Variants in SNAP91 observed in about 807,000 individuals in gnomAD.
The protein encoded by SNAP91 is clathrin coat assembly protein AP180.
SNAP91 carries 27 observed loss-of-function variants against 100.3 expected under a neutral mutation model. That is an observed-to-expected ratio of 0.27 (90% CI 0.20 to 0.37). The LOEUF is 0.37. SNAP91 is among the 10% of genes least tolerant of loss of function. SNAP91 has a pLI of 1.00. For missense variants in SNAP91, 986 were observed against 1,123.7 expected (o/e 0.88, Z 1.75); for synonymous variants, 404 against 398.6 (o/e 1.01, Z -0.16).
At chr6:83,646,164 G>A (rs1398695551) in intron 7 of SNAP91, among the ~76,000 whole-genome samples, 1 of 152,162 alleles carries the variant, frequency 6.6e-6, no homozygotes, top group Admixed American at 6.5e-5. Context: ...GTCTTCCAGT[G>A]TGTGGCACAT....
At chr6:83,635,408 A>G (rs563825700) in intron 8 of SNAP91, among the ~76,000 whole-genome samples, 1 of 152,236 alleles carries the variant, frequency 6.6e-6, no homozygotes, top group African/African-American at 2.4e-5. Flanking sequence ...TTCTTGTTGA[A>G]TTGAACCATT....
chr6:83,699,340 A>G (rs1209029112), intron 2 of SNAP91, among the ~76,000 whole-genome samples: 1 of 152,184 alleles, frequency 6.6e-6, no homozygotes, highest in Non-Finnish European at 1.5e-5. Flanking sequence ...AGAAACATAC[A>G]TTATCCAGAA....
chr6:83,670,453 A>C (rs2098764058), intron 2 of SNAP91, among the ~76,000 whole-genome samples: 1 of 151,446 alleles, frequency 6.6e-6, no homozygotes, highest in Non-Finnish European at 1.5e-5. Context: ...CATACATGTG[A>C]CTTGCAAATA....
chr6:83,603,616 TA>T (rs1404448040), intron 14 of SNAP91, among the ~76,000 whole-genome samples: 2 of 151,268 alleles, frequency 1.3e-5, no homozygotes, highest in Admixed American at 6.6e-5. Context: ...TATTCTAAAA[TA>T]AAAGCTATAA....
At chr6:83,575,395 A>C (rs142973578) in intron 25 of SNAP91, 17 of 416,020 alleles carry the variant, frequency 4.1e-5, no homozygotes, top group African/African-American at 3.5e-4. Context: ...TGTCAGAAAA[A>C]TCCAACTGGA....
At position 83,566,197 on chromosome 6, in the gene SNAP91, C is replaced by G. The variant is rs146339971; in HGVS notation, c.2443-5250G>C. Among the ~76,000 whole-genome samples, 41 of 152,058 alleles carry G rather than the reference C, an allele frequency of 2.7e-4. No homozygotes were observed. In the East Asian group the frequency reaches 7.5e-3, roughly 28 times the overall value. ...TAAAAGAAGCCAGGCATAAAAGGCT[C>G]TAAGGGTAAGGGGAAATTGAAAGGG... On this transcript the variant is annotated intron_variant, in intron 26 of 29. Coordinates refer to ENST00000369694, the MANE Select transcript of SNAP91 (RefSeq NM_001242792.2).
intron 7 of SNAP91, among the ~76,000 whole-genome samples, chr6:83,645,834 G>C (rs2097896235): frequency 2.0e-5 from 3 of 152,158 alleles, no homozygotes; most frequent in African/African-American, 7.2e-5. Context: ...CTGGGAGACA[G>C]AATAAGACCT....
chr6:83,563,359 C>G lies in SNAP91; in HGVS notation c.2443-2412G>C, dbSNP rs140410509. 2.0e-3 allele frequency among the ~76,000 whole-genome samples: 309 copies of G among 152,132 alleles called. 3 individuals carry two copies. The highest frequency in any genetic ancestry group is 0.016 in the South Asian group (78 of 4,816). On this transcript the variant is annotated intron_variant, in intron 26 of 29. Transcript: ENST00000369694. ...TTCATGACAAAAAATACTCAACGAA[C>G]TAGAAAAGCAGGGAAATTCCTCAAC...
intron 14 of SNAP91, 60 bp from the exon 15 acceptor site, chr6:83,601,659 A>C: frequency 2.6e-6 from 4 of 1,533,344 alleles, no homozygotes; most frequent in Non-Finnish European, 3.6e-6. Context: ...TGAAACATGC[A>C]ACCATACCAA....
At chr6:83,709,330 C>T (rs921853182), upstream of SNAP91, 1 of 152,482 alleles carries the variant, frequency 6.6e-6, no homozygotes, top group Non-Finnish European at 1.5e-5. Flanking sequence ...ACCCACCCAG[C>T]CAGCGGCTCT....
chr6:83,592,325 TAA>T (rs1437047117), intron 21 of SNAP91, 128 bp downstream of exon 21: 1 of 566,190 alleles, frequency 1.8e-6, no homozygotes, highest in Non-Finnish European at 3.0e-6. Context: ...CTTAAAAACT[TAA>T]GTTTACATTT....
chr6:83,576,866 T>C (rs1819628100), intron 24 of SNAP91, among the ~76,000 whole-genome samples: 2 of 152,190 alleles, frequency 1.3e-5, no homozygotes, highest in South Asian at 2.1e-4. Flanking sequence ...AGAAAATATT[T>C]TGTGAGCATC....
At chr6:83,643,167 T>C (rs888914460) in intron 7 of SNAP91, among the ~76,000 whole-genome samples, 4 of 152,208 alleles carry the variant, frequency 2.6e-5, no homozygotes, top group African/African-American at 7.2e-5. Flanking sequence ...GTAGTTTCTT[T>C]TGCTGTGCAG....
chr6:83,703,450 T>C (rs563756160), intron 2 of SNAP91, among the ~76,000 whole-genome samples: 1 of 152,230 alleles, frequency 6.6e-6, no homozygotes, highest in East Asian at 1.9e-4. Flanking sequence ...CTAAGCACAT[T>C]TATGCAAAGA....
chr6:83,570,006 G>A (rs758840200), intron 26 of SNAP91, among the ~76,000 whole-genome samples: 4 of 152,020 alleles, frequency 2.6e-5, no homozygotes, highest in Non-Finnish European at 4.4e-5. Flanking sequence ...AGAGTGGAGC[G>A]CTGCAGAAAA....
intron 2 of SNAP91, chr6:83,678,838 A>C (rs1355427472): frequency 2.2e-5 from 28 of 1,277,268 alleles, no homozygotes; most frequent in Non-Finnish European, 2.7e-5. Context: ...ATAAAAATCC[A>C]AGTCTGTTTT....
At chr6:83,571,957 C>T (rs965312844) in intron 26 of SNAP91, among the ~76,000 whole-genome samples, 1 of 152,054 alleles carries the variant, frequency 6.6e-6, no homozygotes, top group Non-Finnish European at 1.5e-5. Context: ...GGGGAGTTTC[C>T]CTGCACAAGC....
intron 7 of SNAP91, among the ~76,000 whole-genome samples, chr6:83,647,316 T>C (rs1265318728): frequency 1.3e-5 from 2 of 152,194 alleles, no homozygotes; most frequent in African/African-American, 4.8e-5. Context: ...AAATATGATG[T>C]TAGCTATTAA....
intron 2 of SNAP91, among the ~76,000 whole-genome samples, chr6:83,703,453 T>C (rs2099345118): frequency 6.6e-6 from 1 of 152,178 alleles, no homozygotes; most frequent in East Asian, 1.9e-4. Context: ...AGCACATTTA[T>C]GCAAAGAAAA....
Sources: allele counts gnomAD v4.1 joint callset (sites outside exome capture counted in the v4.1 genomes callset), GRCh38; gene constraint gnomAD v4.1.1; transcripts MANE v1.5; gene names NCBI Gene and HGNC (gene_info 2026-07-23, HGNC 2026-07-21).